Variants in RAB7A observed in about 807,000 individuals in gnomAD.
The protein encoded by RAB7A is RAB7A, member RAS oncogene family.
Under a neutral mutation model 24.5 loss-of-function variants are expected in RAB7A, and 2 were observed. The observed-to-expected ratio is 0.08, with a 90% confidence interval of 0.03 to 0.26. The LOEUF (loss-of-function observed/expected upper bound fraction) is 0.26. Ranked by LOEUF, RAB7A falls within the 10% of genes least tolerant of loss-of-function variation. The pLI is 1.00. For missense variants in RAB7A, 118 were observed against 255.7 expected, an observed-to-expected ratio of 0.46 and a Z score of 3.67; for synonymous variants, 100 against 95.9, an observed-to-expected ratio of 1.04 and a Z score of -0.25.
At chr3:128,746,890 G>A (rs2070622652) in intron 1 of RAB7A, among the ~76,000 whole-genome samples, 1 of 151,596 alleles carries the variant, frequency 6.6e-6, no homozygotes, top group African/African-American at 2.4e-5. Context: ...TTTTTCTGAG[G>A]TGATAGATAT....
At chr3:128,752,586 A>ACCAAAAACCTACATC (rs2070697165) in intron 1 of RAB7A, among the ~76,000 whole-genome samples, 1 of 152,116 alleles carries the variant, frequency 6.6e-6, no homozygotes, top group African/African-American at 2.4e-5. Context: ...GGCTGTGCAG[A>ACCAAAAACCTACATC]CCAAAAACCT....
At chr3:128,809,097 A>G (rs1253345412) in intron 5 of RAB7A, among the ~76,000 whole-genome samples, 2 of 152,222 alleles carry the variant, frequency 1.3e-5, no homozygotes, top group East Asian at 1.9e-4. Context: ...AAATATGTGT[A>G]GGAAAGTGTT....
chr3:128,736,466 A>G (rs920874179), intron 1 of RAB7A, among the ~76,000 whole-genome samples: 8 of 152,212 alleles, frequency 5.3e-5, no homozygotes, highest in Admixed American at 1.3e-4. Context: ...GTAGTAACCA[A>G]TAACCTCAAA....
At chr3:128,773,697 C>T (rs966410959) in intron 1 of RAB7A, among the ~76,000 whole-genome samples, 11 of 152,230 alleles carry the variant, frequency 7.2e-5, no homozygotes, top group Non-Finnish European at 1.5e-4. Flanking sequence ...GTTGCTGTGT[C>T]TGTGTAGAAA....
At chr3:128,789,598 G>T (rs1933411941) in intron 1 of RAB7A, among the ~76,000 whole-genome samples, 3 of 152,192 alleles carry the variant, frequency 2.0e-5, no homozygotes, top group African/African-American at 7.2e-5. Context: ...CTCTCAGAGT[G>T]CTGGGATTAC....
At chr3:128,790,925 C>A (rs1933440925) in intron 1 of RAB7A, among the ~76,000 whole-genome samples, 2 of 152,114 alleles carry the variant, frequency 1.3e-5, no homozygotes, top group African/African-American at 4.8e-5. Context: ...ACAACAACAA[C>A]CCTGGACTTG....
At chr3:128,745,280 A>G (rs1259438566) in intron 1 of RAB7A, among the ~76,000 whole-genome samples, 1 of 152,184 alleles carries the variant, frequency 6.6e-6, no homozygotes, top group Non-Finnish European at 1.5e-5. Flanking sequence ...GAGGGTGCAA[A>G]ACAGCAAAAT....
chr3:128,764,674 A>G, intron 1 of RAB7A: 1 of 853,900 alleles, frequency 1.2e-6, no homozygotes. Flanking sequence ...CAGTTCCAAT[A>G]GTGACTGATT....
intron 3 of RAB7A, among the ~76,000 whole-genome samples, chr3:128,800,774 A>G (rs1430337517): frequency 1.3e-5 from 2 of 152,162 alleles, no homozygotes; most frequent in African/African-American, 4.8e-5. Flanking sequence ...GAAAGAGTAC[A>G]TCTTTAAGGG....
chr3:128,737,731 A>C (rs2070504585), intron 1 of RAB7A, among the ~76,000 whole-genome samples: 1 of 138,984 alleles, frequency 7.2e-6, no homozygotes, highest in Non-Finnish European at 1.5e-5. Context: ...CACCGCAGCC[A>C]CGCCCTCCCC....
intron 1 of RAB7A, among the ~76,000 whole-genome samples, chr3:128,793,979 C>T (rs917315063): frequency 6.6e-6 from 1 of 152,294 alleles, no homozygotes; most frequent in Non-Finnish European, 1.5e-5. Context: ...GACTCTGAAG[C>T]CATCGAGGAT....
intron 1 of RAB7A, among the ~76,000 whole-genome samples, chr3:128,755,147 G>T (rs9837805): frequency 0.012 from 1,825 of 152,078 alleles, 33 homozygotes; most frequent in African/African-American, 0.039. Flanking sequence ...TTAAAAATAC[G>T]ATACCAAGTA....
chr3:128,801,590 G>GTTT (rs1276987926), intron 3 of RAB7A, among the ~76,000 whole-genome samples: 1 of 152,156 alleles, frequency 6.6e-6, no homozygotes, highest in African/African-American at 2.4e-5. Flanking sequence ...ATGAAATTTG[G>GTTT]AAATTCAGAG....
chr3:128,733,979 C>T (rs1052484275), intron 1 of RAB7A, among the ~76,000 whole-genome samples: 2 of 152,156 alleles, frequency 1.3e-5, no homozygotes, highest in East Asian at 1.9e-4. Flanking sequence ...ATTTTAGTTC[C>T]CTCTGGTAGA....
At chr3:128,766,386 C>T (rs1442817392) in intron 1 of RAB7A, among the ~76,000 whole-genome samples, 1 of 152,122 alleles carries the variant, frequency 6.6e-6, no homozygotes, top group African/African-American at 2.4e-5. Flanking sequence ...CCTGGGTAAC[C>T]ACCGTCATGG....
intron 1 of RAB7A, among the ~76,000 whole-genome samples, chr3:128,741,911 T>A (rs2070558357): frequency 6.6e-6 from 1 of 152,046 alleles, no homozygotes; most frequent in Non-Finnish European, 1.5e-5. Flanking sequence ...AGCCTTGGCC[T>A]CCCAGGCTCA....
intron 1 of RAB7A, among the ~76,000 whole-genome samples, chr3:128,764,202 A>G (rs545083575): frequency 2.0e-5 from 3 of 151,876 alleles, no homozygotes; most frequent in African/African-American, 7.2e-5. Flanking sequence ...CCTCCCAGTC[A>G]CCTCAGTGTG....
chr3:128,773,497 G>A (rs1288146771), intron 1 of RAB7A, among the ~76,000 whole-genome samples: 1 of 142,048 alleles, frequency 7.0e-6, no homozygotes, highest in Admixed American at 7.0e-5. Flanking sequence ...CCAGCAAGCC[G>A]ACCCGTCCGG....
At chr3:128,737,865 A>G (rs6769401) in intron 1 of RAB7A, among the ~76,000 whole-genome samples, 7,199 of 109,068 alleles carry the variant, frequency 0.066, 656 homozygotes, top group African/African-American at 0.21. Context: ...TTTAAGAGAT[A>G]GAGTTTCACC....
Sources: gnomAD v4.1 joint callset for allele counts (sites outside exome capture counted in the v4.1 genomes callset) on GRCh38, gnomAD v4.1.1 for gene constraint, MANE v1.5 for transcripts, NCBI Gene and HGNC (gene_info 2026-07-23, HGNC 2026-07-21) for gene names.